Variants in FOCAD observed in about 807,000 individuals in gnomAD.
FOCAD encodes focadhesin, also known as KIAA1797.
FOCAD carries 198 observed loss-of-function variants against 225.6 expected under a neutral mutation model. The observed-to-expected ratio is 0.88, with a 90% CI of 0.78 to 0.99. The LOEUF is 0.99. Ranked by LOEUF, FOCAD falls within the 50% of genes least tolerant of loss-of-function variation. FOCAD has a pLI of 0.00. For missense variants in FOCAD, 2,713 were observed against 2,123.6 expected (o/e 1.28, Z -5.46); for synonymous variants, 897 against 755.0 (o/e 1.19, Z -3.08).
chr9:20,656,652 ATT>A (rs1194121404), upstream of FOCAD, among the ~76,000 whole-genome samples: 1 of 151,580 alleles, frequency 6.6e-6, no homozygotes, highest in Non-Finnish European at 1.5e-5. Context: ...CCATCCTTTT[ATT>A]TTGAGCCTAT....
intron 5 of FOCAD, among the ~76,000 whole-genome samples, chr9:20,745,027 T>TC (rs1334726451): frequency 1.3e-5 from 2 of 152,202 alleles, no homozygotes. Context: ...TTTCTTTTTT[T>TC]CTCCCTTTTT....
At chr9:20,708,883 A>C (rs1824606402) in intron 1 of FOCAD, among the ~76,000 whole-genome samples, 1 of 152,170 alleles carries the variant, frequency 6.6e-6, no homozygotes, top group African/African-American at 2.4e-5. Context: ...CTCAAAGTCA[A>C]ATGTCTGTCT....
intron 34 of FOCAD, among the ~76,000 whole-genome samples, chr9:20,951,423 G>A (rs1035769120): frequency 3.3e-5 from 5 of 152,072 alleles, no homozygotes; most frequent in Non-Finnish European, 4.4e-5. Context: ...CTCATGGCTC[G>A]GAAAGATTAC....
chr9:20,691,230 A>G (rs1822957146), intron 1 of FOCAD, among the ~76,000 whole-genome samples: 1 of 152,168 alleles, frequency 6.6e-6, no homozygotes, highest in Non-Finnish European at 1.5e-5. Context: ...GGTGTGAGCC[A>G]TAGTGCTGGC....
intron 11 of FOCAD, among the ~76,000 whole-genome samples, chr9:20,814,554 A>G (rs1305169278): frequency 6.6e-6 from 1 of 151,826 alleles, no homozygotes; most frequent in African/African-American, 2.4e-5. Context: ...ATGGGATTTC[A>G]CTATGTTGAC....
rs56037765 is a variant in FOCAD, at chr9:20,944,630, G to A, written c.3411G>A (p.Thr1137=). Reference sequence around the variant, plus strand: ...CTTATCTTTTTTGGCTTCCAAGCACGGGCTGTATATTGGGAGTTGGACTTG... The same window carrying A: ...CTTATCTTTTTTGGCTTCCAAGCACAGGCTGTATATTGGGAGTTGGACTTG... ...CCFDTSLEYN[T]GCILGVGLVL... The change falls in exon 29 of 44, where the codon ACG becomes ACA. Residue 1137 remains threonine, a synonymous_variant. Coordinates refer to ENST00000338382, the MANE Select transcript of FOCAD (RefSeq NM_001375567.1). The A allele has an allele frequency of 0.01, 16,292 of 1,611,148 alleles. 106 individuals are homozygous for A. Among genetic ancestry groups the A allele is most frequent in the Non-Finnish European group, 0.012 (14,235 of 1,178,262 alleles).
chr9:20,817,912 T>C (rs1295098947), intron 11 of FOCAD, among the ~76,000 whole-genome samples: 1 of 152,192 alleles, frequency 6.6e-6, no homozygotes, highest in Non-Finnish European at 1.5e-5. Context: ...AGGAATAGAA[T>C]TGCTACATCA....
rs1044857182 is a variant in FOCAD, at chr9:20,916,873, A to G, written c.2808-20A>G. 10 of 1,594,222 alleles carry G rather than the reference A, an allele frequency of 6.3e-6. No homozygotes were observed. The African/African-American group carries it at 8.1e-5, about 13-fold the overall frequency. The stretch of plus-strand genomic sequence containing the variant: ...CTTGTTCTAACATAAACTCTCGTCT[A>G]TTTTCCATCTTTATTGCAGGGTTAG... On this transcript the variant is annotated intron_variant, in intron 23 of 43. Coordinates refer to ENST00000338382, the MANE Select transcript of FOCAD (RefSeq NM_001375567.1).
chr9:20,696,374 A>G (rs1823370539), intron 1 of FOCAD, among the ~76,000 whole-genome samples: 1 of 152,248 alleles, frequency 6.6e-6, no homozygotes, highest in Non-Finnish European at 1.5e-5. Context: ...ATGAGGTGAT[A>G]TGTTTGATTG....
At chr9:20,836,625 C>T (rs77457594) in intron 15 of FOCAD, among the ~76,000 whole-genome samples, 3,639 of 151,994 alleles carry the variant, frequency 0.024, 91 homozygotes, top group Non-Finnish European at 0.035. Flanking sequence ...TCTTTGCAGT[C>T]GAAAGTTGTA....
chr9:20,967,369 A>G (rs1839357707), intron 35 of FOCAD, among the ~76,000 whole-genome samples: 1 of 152,148 alleles, frequency 6.6e-6, no homozygotes, highest in African/African-American at 2.4e-5. Flanking sequence ...TTGGTCTTAT[A>G]TCCTGCAACT....
rs1564206753 is a variant in FOCAD, at chr9:20,960,385, T to A, written c.4132+7320T>A. On this transcript the variant is annotated intron_variant, in intron 35 of 43. Transcript: ENST00000338382. ...CTTTGCTCACTTGGATAAGATGTTG[T>A]CTTCTAGGTTTCTCCACTATGAACT... Among the ~76,000 whole-genome samples the A allele has an allele frequency of 3.3e-5, 5 of 152,210 alleles. 1 individual carries two copies. The South Asian group carries it at 1.0e-3, about 31-fold the overall frequency.
intron 19 of FOCAD, among the ~76,000 whole-genome samples, chr9:20,879,675 AAG>A (rs1228565916): frequency 1.3e-5 from 2 of 152,198 alleles, no homozygotes; most frequent in Non-Finnish European, 2.9e-5. Context: ...ATTGGTAAGA[AAG>A]AGATTGGGGA....
intron 21 of FOCAD, among the ~76,000 whole-genome samples, chr9:20,890,528 C>T (rs570808214): frequency 1.3e-5 from 2 of 152,116 alleles, no homozygotes; most frequent in East Asian, 3.9e-4. Flanking sequence ...GGGATACACT[C>T]CGCTTGATCA....
At chr9:20,967,157 C>T (rs964112711) in intron 35 of FOCAD, among the ~76,000 whole-genome samples, 3 of 151,984 alleles carry the variant, frequency 2.0e-5, no homozygotes, top group Non-Finnish European at 4.4e-5. Context: ...TCTGTGAACA[C>T]AAGATGTCTT....
At chr9:20,689,611 A>C (rs1363413372) in intron 1 of FOCAD, among the ~76,000 whole-genome samples, 1 of 152,184 alleles carries the variant, frequency 6.6e-6, no homozygotes, top group Non-Finnish European at 1.5e-5. Flanking sequence ...GGCTGAGGAT[A>C]TAAGAAAGCT....
At chr9:20,885,083 T>A in intron 20 of FOCAD, 26 bp from the exon 21 acceptor site, 1 of 1,281,990 alleles carries the variant, frequency 7.8e-7, no homozygotes. Flanking sequence ...AAAAATAAAA[T>A]AAAGTCTATA....
chr9:20,845,615 T>C (rs1428587794), intron 15 of FOCAD, among the ~76,000 whole-genome samples: 2 of 151,918 alleles, frequency 1.3e-5, no homozygotes, highest in African/African-American at 4.8e-5. Context: ...CACATATCTC[T>C]GATTATTTCT....
At chr9:20,983,440 C>T (rs188960988) in intron 39 of FOCAD, among the ~76,000 whole-genome samples, 24 of 151,976 alleles carry the variant, frequency 1.6e-4, no homozygotes, top group Non-Finnish European at 2.6e-4. Flanking sequence ...GGCGTAGTGG[C>T]ACACACCTGT....
Sources: gnomAD v4.1 joint callset for allele counts (sites outside exome capture counted in the v4.1 genomes callset) on GRCh38, gnomAD v4.1.1 for gene constraint, MANE v1.5 for transcripts, NCBI Gene and HGNC (gene_info 2026-07-23, HGNC 2026-07-21) for gene names.